CACNA1E: variants seen among roughly 807,000 people sequenced by gnomAD.
The protein encoded by CACNA1E is voltage-dependent R-type calcium channel subunit alpha-1E.
Under a neutral mutation model 259.2 loss-of-function variants are expected in CACNA1E, and 40 were observed. The observed-to-expected ratio is 0.15, with a 90% CI of 0.12 to 0.20. CACNA1E has a LOEUF of 0.20. Ranked by LOEUF, CACNA1E falls within the 10% of genes least tolerant of loss-of-function variation. CACNA1E has a pLI of 1.00. For missense variants in CACNA1E, 1,874 were observed against 3,040.1 expected (o/e 0.62, Z 9.02); for synonymous variants, 1,104 against 1,138.5 (o/e 0.97, Z 0.61).
At position 181,793,692 on chromosome 1, in the gene CACNA1E, G is replaced by T. The variant is rs547396023; in HGVS notation, c.5926G>T (p.Val1976Leu). Residue 1976 changes from valine to leucine, a missense_variant, in exon 45 of 48, where the codon GTG becomes TTG. Physicochemically the swap from Val to Leu is conservative, Grantham distance 32. Transcript: ENST00000367573. The stretch of plus-strand genomic sequence containing the variant: ...GCCAGAGGTTAGTGAATTAAAAAGC[G>T]TGCAGCCCTCTAACCATGGCATCTA... ...LEPEVSELKS[V>L]QPSNHGIYLP... is the part of the protein sequence containing the mutation. 6.2e-7 allele frequency: 1 copy of T among 1,610,574 alleles called. No homozygotes were observed. Among genetic ancestry groups the T allele is most frequent in the Non-Finnish European group, 8.5e-7 (1 of 1,178,954 alleles).
intron 43 of CACNA1E, 63 bp from the exon 44 acceptor site, chr1:181,790,382 G>A: frequency 9.8e-7 from 1 of 1,022,792 alleles, no homozygotes. Flanking sequence ...TGCCCTGCTG[G>A]GGTGGGAATT....
chr1:181,545,287 C>A (rs1647324377), intron 3 of CACNA1E, among the ~76,000 whole-genome samples: 1 of 152,152 alleles, frequency 6.6e-6, no homozygotes, highest in Admixed American at 6.5e-5. Context: ...AATATTAACC[C>A]CTGTTACATA....
chr1:181,763,164 T>C (rs561237726), intron 33 of CACNA1E, among the ~76,000 whole-genome samples: 1 of 152,230 alleles, frequency 6.6e-6, no homozygotes, highest in East Asian at 1.9e-4. Flanking sequence ...GAGGCTGGTT[T>C]TGTGTGCAGG....
chr1:181,516,509 G>T (rs1005918102), intron 3 of CACNA1E, among the ~76,000 whole-genome samples: 1 of 152,140 alleles, frequency 6.6e-6, no homozygotes, highest in African/African-American at 2.4e-5. Context: ...CAAATGGTTG[G>T]TATAAGGTAA....
chr1:181,798,984 A>G lies in CACNA1E; in HGVS notation c.*150A>G. On this transcript the variant is annotated 3_prime_UTR_variant, in exon 48 of 48. Transcript: ENST00000367573. This position sits in a 1 kb window ranked among gnomAD's most constrained non-coding sequence, Gnocchi z 4.2. ...ATCAGAGAAGAGGAAGTAAAGGACA[A>G]TCAGAACACCAGTCAAACCCACCAA... 3.0e-6 allele frequency: 2 copies of G among 673,400 alleles called. No homozygotes were observed. The highest frequency in any genetic ancestry group is 4.6e-6 in the Non-Finnish European group (2 of 436,616). 41.7% of individuals were successfully genotyped at this position (673,400 alleles called of 1,614,324 possible).
At chr1:181,592,686 G>A (rs1652777455) in intron 6 of CACNA1E, among the ~76,000 whole-genome samples, 1 of 152,120 alleles carries the variant, frequency 6.6e-6, no homozygotes, top group Admixed American at 6.5e-5. Context: ...GACTTGGGAA[G>A]AGAGTGAAGA....
intron 1 of CACNA1E, 79 bp from the exon 2 acceptor site, chr1:181,510,398 G>A: frequency 1.1e-6 from 1 of 898,332 alleles, no homozygotes; most frequent in Non-Finnish European, 1.9e-6. Context: ...GGTTGATAGA[G>A]TTGTGTGTTT....
At chr1:181,710,058 C>A (rs1653187893) in intron 7 of CACNA1E, among the ~76,000 whole-genome samples, 1 of 152,152 alleles carries the variant, frequency 6.6e-6, no homozygotes, top group African/African-American at 2.4e-5. Context: ...TCTTCTCTTT[C>A]TCCCATGGAG....
chr1:181,634,262 A>G lies in CACNA1E; in HGVS notation c.952-17076A>G, dbSNP rs144056305. Among the ~76,000 whole-genome samples, 192 of 152,346 alleles carry G rather than the reference A, an allele frequency of 1.3e-3. 1 individual carries two copies. The highest frequency in any genetic ancestry group is 4.3e-3 in the African/African-American group (178 of 41,582). On this transcript the variant is annotated intron_variant, in intron 6 of 47. Transcript: ENST00000367573. ...TTATGAGGATTAAAAGAAATCAGGT[A>G]TGAGAAATCTCTCAGCACATTCTCC... is the stretch of plus-strand genomic sequence containing the variant.
intron 27 of CACNA1E, among the ~76,000 whole-genome samples, chr1:181,753,213 G>A (rs974650227): frequency 8.5e-5 from 13 of 152,222 alleles, no homozygotes; most frequent in Non-Finnish European, 5.9e-5. Context: ...ATGGAATCAT[G>A]CAGTGCTTCT....
chr1:181,371,652 T>A (rs2262497), intron 1 of CACNA1E, among the ~76,000 whole-genome samples: 6,448 of 152,340 alleles, frequency 0.042, 175 homozygotes, highest in African/African-American at 0.072. Context: ...CATTATGAAA[T>A]CTTTGCCAAG....
intron 44 of CACNA1E, among the ~76,000 whole-genome samples, chr1:181,791,390 A>G (rs778565399): frequency 3.3e-5 from 5 of 152,132 alleles, no homozygotes; most frequent in Non-Finnish European, 5.9e-5. Context: ...GGAGAATGGC[A>G]TGAACCTGGG....
chr1:181,437,257 C>T (rs1373453962), intron 2 of CACNA1E, among the ~76,000 whole-genome samples: 1 of 152,096 alleles, frequency 6.6e-6, no homozygotes, highest in Non-Finnish European at 1.5e-5. Context: ...TAAAATTTTC[C>T]ACATTTGCTC....
chr1:181,556,183 A>T (rs139853341), intron 3 of CACNA1E, among the ~76,000 whole-genome samples: 2 of 152,246 alleles, frequency 1.3e-5, no homozygotes, highest in East Asian at 3.9e-4. Flanking sequence ...TATAGACTAG[A>T]GTAGCCCAGG....
At chr1:181,468,465 T>C (rs955385257) in intron 2 of CACNA1E, among the ~76,000 whole-genome samples, 13 of 152,236 alleles carry the variant, frequency 8.5e-5, no homozygotes, top group South Asian at 2.1e-4. Context: ...CCATTTGGCT[T>C]TGTTTATAGT....
At position 181,421,369 on chromosome 1, in the gene CACNA1E, C is replaced by T. The variant is rs1444021332; in HGVS notation, c.434+7789C>T. ...TAGATCATATAGTCTGGTGGGGGGTCCTCAAAATGTTGATGAGCACCAGGG... is the reference window on the plus strand; with the variant it reads ...TAGATCATATAGTCTGGTGGGGGGTTCTCAAAATGTTGATGAGCACCAGGG... On this transcript the variant is annotated intron_variant, in intron 2 of 11. Coordinates refer to the CACNA1E transcript ENST00000524607. 2.0e-5 allele frequency among the ~76,000 whole-genome samples: 3 copies of T among 152,148 alleles called. No homozygotes were observed. In the East Asian group the frequency reaches 5.8e-4, roughly 29 times the overall value.
intron 7 of CACNA1E, among the ~76,000 whole-genome samples, chr1:181,704,533 A>C (rs1269803298): frequency 6.6e-6 from 1 of 152,172 alleles, no homozygotes; most frequent in Non-Finnish European, 1.5e-5. Context: ...AGCTCTCTGA[A>C]ACATGGACTC....
At chr1:181,759,769 G>A (rs1658414527) in intron 32 of CACNA1E, among the ~76,000 whole-genome samples, 1 of 152,208 alleles carries the variant, frequency 6.6e-6, no homozygotes, top group Admixed American at 6.5e-5. Context: ...CCTGCAAGGA[G>A]GAGAACTTTG....
At position 181,798,467 on chromosome 1, in the gene CACNA1E, G is replaced by A; in HGVS notation, c.6575G>A (p.Gly2192Asp). 6.2e-7 allele frequency: 1 copy of A among 1,613,798 alleles called. No homozygotes were observed. Among genetic ancestry groups the A allele is most frequent in the South Asian group, 1.1e-5 (1 of 91,078 alleles). Residue 2192 changes from glycine (G) to aspartate (D), a missense_variant, in exon 48 of 48, where the codon GGC (glycine) becomes GAC (aspartate). This residue lies in a region of CACNA1E where 542 missense variants were observed against 587.2 expected (regional missense o/e 0.92). Coordinates refer to ENST00000367573, the MANE Select transcript of CACNA1E (RefSeq NM_001205293.3). The surrounding 1 kb of genome is among the most constrained non-coding windows in gnomAD (Gnocchi z 4.2). ...CCACCTGCTGATGGAAGCGAGGAGG[G>A]CTCCCCGCTGACCTCCCAAGCTCTG... ...ISPPADGSEEGSPLTSQALES... is the reference protein window; with the variant it reads ...ISPPADGSEEDSPLTSQALES...
Sources: gnomAD v4.1 joint callset for allele counts (sites outside exome capture counted in the v4.1 genomes callset) on GRCh38, gnomAD v4.1.1 for gene constraint, gnomAD v4.1.1 regional missense constraint, Gnocchi (gnomAD v3.1) non-coding constraint, MANE v1.5 for transcripts, NCBI Gene and HGNC (gene_info 2026-07-23, HGNC 2026-07-21) for gene names.